APBA3: variants seen among roughly 807,000 people sequenced by gnomAD.
APBA3 encodes the protein amyloid beta precursor protein binding family A member 3.
A neutral mutation model predicts 55.9 loss-of-function variants in APBA3; 45 were observed. The observed-to-expected ratio is 0.80, with a 90% CI of 0.63 to 1.03. The LOEUF is 1.03. Ranked by LOEUF, APBA3 falls within the 50% of genes least tolerant of loss-of-function variation. APBA3 has a pLI of 0.00. For synonymous variants in APBA3, 370 were observed against 353.3 expected, an observed-to-expected ratio of 1.05 and a Z score of -0.53; for missense variants, 865 against 820.3, an observed-to-expected ratio of 1.05 and a Z score of -0.67.
At chr19:3,754,813 C>G (rs999071844) in intron 3 of APBA3, 1 of 153,730 alleles carries the variant, frequency 6.5e-6, no homozygotes, top group Non-Finnish European at 1.4e-5. Flanking sequence ...ATTACAGGCG[C>G]CCACCACCAC....
chr19:3,760,216 C>CT lies in APBA3; in HGVS notation c.48_49insA (p.Asp17ArgfsTer18). 1 of 1,611,242 alleles carries CT rather than the reference C, an allele frequency of 6.2e-7. No individual in the cohort carries two copies. The highest frequency in any genetic ancestry group is 1.1e-5 in the South Asian group (1 of 91,044). On this transcript the variant is annotated frameshift_variant, in exon 2 of 11. Coordinates refer to ENST00000316757, the MANE Select transcript of APBA3 (RefSeq NM_004886.4). LOFTEE classifies it high-confidence loss of function. ...AGAATGTCCCTGGGCCCCTCCAAGTCCATGGCTGGAGGCCCCGAAGGGGAT... is the reference window on the plus strand; with the variant it reads ...AGAATGTCCCTGGGCCCCTCCAAGTCTCATGGCTGGAGGCCCCGAAGGGGAT...
At chr19:3,751,647 G>C in intron 8 of APBA3, 94 bp from the exon 9 acceptor site, 1 of 1,382,948 alleles carries the variant, frequency 7.2e-7, no homozygotes, top group Non-Finnish European at 9.7e-7. Context: ...TCATAAACCA[G>C]AGACCTGGAG....
At chr19:3,754,381 C>T in intron 3 of APBA3, 41 bp from the exon 4 acceptor site, 7 of 1,528,002 alleles carry the variant, frequency 4.6e-6, no homozygotes, top group Non-Finnish European at 5.3e-6. Context: ...CAGGGGCCCA[C>T]TCCCACAGGC....
Position 3,760,084 on chromosome 19 carries a change from C to A in APBA3, c.181G>T (p.Val61Leu). 2.5e-6 allele frequency: 4 copies of A among 1,613,400 alleles called. No homozygotes were observed. Among genetic ancestry groups the A allele is most frequent in the African/African-American group, 1.3e-5 (1 of 75,054 alleles). The change falls in exon 2 of 11, where the codon GTG becomes TTG. Residue 61 changes from valine (V) to leucine (L), a missense_variant. By Grantham distance (32) the Val-to-Leu change is conservative. Transcript: ENST00000316757. ...ELDESSLQEL[V>L]QQFEALPGDL... ...CCTGGCAGAGCTTCAAACTGCTGCA[C>A]CAGCTCCTGAAGGCTTGACTCATCA... is the stretch of plus-strand genomic sequence containing the variant.
chr19:3,758,606 G>A (rs1473407107), intron 3 of APBA3, among the ~76,000 whole-genome samples: 2 of 152,116 alleles, frequency 1.3e-5, no homozygotes, highest in Admixed American at 6.6e-5. Flanking sequence ...TTGGCCAGGC[G>A]TGGTGGCTCA....
At chr19:3,758,809 C>T (rs1355696167) in intron 3 of APBA3, among the ~76,000 whole-genome samples, 1 of 151,300 alleles carries the variant, frequency 6.6e-6, no homozygotes, top group Non-Finnish European at 1.5e-5. Flanking sequence ...ACCCGGGAGG[C>T]GGAAGTTGCA....
At chr19:3,757,420 T>G (rs934137353) in intron 3 of APBA3, among the ~76,000 whole-genome samples, 4 of 151,688 alleles carry the variant, frequency 2.6e-5, no homozygotes, top group Middle Eastern at 3.4e-3. Flanking sequence ...ACTTACTATC[T>G]GACCTATATC....
intron 3 of APBA3, chr19:3,754,897 C>T (rs2037058639): frequency 6.6e-6 from 1 of 152,308 alleles, no homozygotes; most frequent in African/African-American, 2.4e-5. Flanking sequence ...AAACTCCCGA[C>T]CTCAAGTGAT....
chr19:3,752,507 C>T lies in APBA3; in HGVS notation c.1395+1G>A, dbSNP rs763349184. On this transcript the variant is annotated splice_donor_variant, in intron 8 of 10. Transcript: ENST00000316757. LOFTEE classifies it high-confidence loss of function. Reference sequence around the variant, plus strand: ...GGGCCCTGCCACACCAGGAAACTCACGCGGACAGCGGCCTGGCACGCAGCC... The same window carrying T: ...GGGCCCTGCCACACCAGGAAACTCATGCGGACAGCGGCCTGGCACGCAGCC... 1.7e-5 allele frequency: 27 copies of T among 1,568,442 alleles called. No individual in the cohort carries two copies. Among genetic ancestry groups the T allele is most frequent in the Admixed American group, 1.3e-4 (7 of 54,138 alleles).
Position 3,760,274 on chromosome 19 carries a change from C to G in APBA3, c.-10G>C. The stretch of plus-strand genomic sequence containing the variant: ...TTGTGGGGAAGTCCATGCCTGGACT[C>G]CAGGCTTAGGCCGGCATCTTCAGGC... On this transcript the variant is annotated 5_prime_UTR_variant, in exon 2 of 11. Transcript: ENST00000316757. 6.3e-7 allele frequency: 1 copy of G among 1,585,760 alleles called. No homozygotes were observed. The highest frequency in any genetic ancestry group is 8.5e-7 in the Non-Finnish European group (1 of 1,173,972).
intron 3 of APBA3, among the ~76,000 whole-genome samples, chr19:3,758,027 C>CG: frequency 6.6e-6 from 1 of 152,072 alleles, no homozygotes; most frequent in South Asian, 2.1e-4. Context: ...CTCCGCCTCC[C>CG]GGGTTCATGT....
rs746749129 is a variant in APBA3, at chr19:3,752,613, C to T, written c.1290G>A (p.Gly430=). The change falls in exon 8 of 11, where the codon GGG becomes GGA. Residue 430 remains glycine, a synonymous_variant. Transcript: ENST00000316757. The part of the protein sequence containing the change: ...TAVIANLLHG[G]PAERSGALSI... Reference sequence around the variant, plus strand: ...TGAGGGCCCCCGAGCGCTCAGCAGGCCCCCCGTGCAGCAGGTTGGCGATGA... The same window carrying T: ...TGAGGGCCCCCGAGCGCTCAGCAGGTCCCCCGTGCAGCAGGTTGGCGATGA... 9.5e-6 allele frequency: 15 copies of T among 1,584,850 alleles called. No homozygotes were observed. Among genetic ancestry groups the T allele is most frequent in the East Asian group, 2.3e-5 (1 of 43,862 alleles).
chr19:3,752,949 G>C lies in APBA3; in HGVS notation c.1053C>G (p.Ala351=). Residue 351 remains alanine (A), a synonymous_variant, in exon 7 of 11, where the codon GCC becomes GCG. Transcript: ENST00000316757. ...TTTCCCGTAGGAACTGGCTGTAGGC[G>C]GCGGCGAAGGCCTGGCCAATGGCCT... ...IAQAIGQAFA[A]AYSQFLRESG... The C allele has an allele frequency of 1.2e-6, 2 of 1,613,036 alleles. No individual in the cohort carries two copies. Among genetic ancestry groups the C allele is most frequent in the Non-Finnish European group, 8.5e-7 (1 of 1,179,920 alleles).
intron 1 of APBA3, among the ~76,000 whole-genome samples, chr19:3,761,004 G>A (rs993356783): frequency 6.6e-6 from 1 of 152,230 alleles, no homozygotes; most frequent in East Asian, 1.9e-4. Context: ...GTTCATACAG[G>A]GCACATAATT....
rs1476659431 is a variant in APBA3, at chr19:3,752,680, G to A, written c.1223C>T (p.Ala408Val). The change falls in exon 8 of 11, where the codon GCC (alanine) becomes GTC (valine). Residue 408 changes from alanine (A) to valine (V), a missense_variant. Physicochemically the swap from Ala to Val is moderately conservative, Grantham distance 64. Transcript: ENST00000316757. ...EKRRGEGLGV[A>V]LVESGWGSLL... The stretch of plus-strand genomic sequence containing the variant: ...GGAGCCCCAGCCCGACTCCACCAGG[G>A]CCACGCCCAGGCCCTCCCCTCGCCG... The A allele has an allele frequency of 6.3e-7, 1 of 1,593,340 alleles. No homozygotes were observed. The highest frequency in any genetic ancestry group is 2.3e-5 in the East Asian group (1 of 44,356).
At chr19:3,753,177 G>T in intron 6 of APBA3, 187 bp from the exon 7 acceptor site, 1 of 670,930 alleles carries the variant, frequency 1.5e-6, no homozygotes, top group African/African-American at 1.8e-5. Flanking sequence ...TCTACGGGGA[G>T]AAGGAAGGGG....
Position 3,759,565 on chromosome 19 carries a change from C to A in APBA3, c.612G>T (p.Gln204His). Residue 204 changes from glutamine (Q) to histidine (H), a missense_variant, in exon 3 of 11, where the codon CAG becomes CAT. Physicochemically the swap from Gln to His is conservative, Grantham distance 24 (BLOSUM62 0). Transcript: ENST00000316757. ...TAGGGTGGGCGGGACACTCACCCTCCTGGGGGGCAGGGTAGGAAGCCAGGG... is the reference window on the plus strand; with the variant it reads ...TAGGGTGGGCGGGACACTCACCCTCATGGGGGGCAGGGTAGGAAGCCAGGG... ...PETLASYPAP[Q>H]EVPGPCDHED... is the part of the protein sequence containing the mutation. 2 of 1,599,166 alleles carry A rather than the reference C, an allele frequency of 1.3e-6. 1 individual carries two copies. Among genetic ancestry groups the A allele is most frequent in the African/African-American group, 2.7e-5 (2 of 74,480 alleles).
chr19:3,760,920 A>C (rs1032109389), intron 1 of APBA3, among the ~76,000 whole-genome samples: 1 of 152,084 alleles, frequency 6.6e-6, no homozygotes, highest in Admixed American at 6.6e-5. Context: ...CTTAAAAAAA[A>C]CAAACAAACC....
chr19:3,757,264 A>AT (rs1005691945), intron 3 of APBA3, among the ~76,000 whole-genome samples: 3 of 151,898 alleles, frequency 2.0e-5, no homozygotes, highest in African/African-American at 7.3e-5. Flanking sequence ...TGCCTGGCTA[A>AT]TTTTGGGGGG....
Sources: gnomAD v4.1 joint callset for allele counts (sites outside exome capture counted in the v4.1 genomes callset) on GRCh38, gnomAD v4.1.1 for gene constraint, MANE v1.5 for transcripts, NCBI Gene and HGNC (gene_info 2026-07-23, HGNC 2026-07-21) for gene names.